The following EXOSC7 variants were observed in gnomAD, a reference collection of about 807,000 sequenced individuals.
The protein encoded by EXOSC7 is exosome component 7, also known as exosome complex component RRP42.
A neutral mutation model predicts 34.3 loss-of-function variants in EXOSC7; 25 were observed. That is an observed-to-expected ratio of 0.73 (90% CI 0.53 to 1.02). EXOSC7 has a LOEUF of 1.02. Ranked by LOEUF, EXOSC7 falls within the 50% of genes least tolerant of loss-of-function variation. The probability of loss-of-function intolerance (pLI) is 0.00; values close to 1 mark genes in which losing one functional copy is unlikely to be tolerated. For synonymous variants in EXOSC7, 130 were observed against 143.0 expected (o/e 0.91, Z 0.65); for missense variants, 370 against 368.5 (o/e 1.00, Z -0.03).
At chr3:44,979,522 G>A (rs1475285079) in intron 1 of EXOSC7, among the ~76,000 whole-genome samples, 3 of 152,082 alleles carry the variant, frequency 2.0e-5, no homozygotes, top group African/African-American at 4.8e-5. Flanking sequence ...CCAACACATC[G>A]GCTCAAGCAA....
chr3:44,992,010 G>A (rs774995992), intron 3 of EXOSC7, among the ~76,000 whole-genome samples: 3 of 152,150 alleles, frequency 2.0e-5, no homozygotes, highest in African/African-American at 4.8e-5. Context: ...AGCACTGATC[G>A]CTGCCACCTG....
intron 1 of EXOSC7, among the ~76,000 whole-genome samples, chr3:44,987,596 G>A (rs537395050): frequency 3.2e-4 from 48 of 152,316 alleles, no homozygotes; most frequent in African/African-American, 1.2e-3. Flanking sequence ...ATGAGCCTGT[G>A]TTACAAGTGA....
At chr3:44,979,598 T>TTC (rs60183088) in intron 1 of EXOSC7, among the ~76,000 whole-genome samples, 65,170 of 150,284 alleles carry the variant, frequency 0.43, 14,739 homozygotes, top group East Asian at 0.84. Flanking sequence ...GTTTTTTTTT[T>TTC]CCCCCTCTTT....
At chr3:44,988,348 G>A (rs1706476378) in intron 1 of EXOSC7, among the ~76,000 whole-genome samples, 1 of 152,192 alleles carries the variant, frequency 6.6e-6, no homozygotes, top group Non-Finnish European at 1.5e-5. Flanking sequence ...AGATACCAAT[G>A]AGTTGTACTG....
chr3:45,006,486 G>A (rs1454552685), intron 6 of EXOSC7, among the ~76,000 whole-genome samples: 5 of 138,018 alleles, frequency 3.6e-5, no homozygotes, highest in South Asian at 2.4e-4. Context: ...GTGCAATCTC[G>A]GCTCACTGTA....
chr3:44,993,355 G>T (rs1437300287), intron 3 of EXOSC7, among the ~76,000 whole-genome samples: 1 of 152,074 alleles, frequency 6.6e-6, no homozygotes, highest in East Asian at 1.9e-4. Context: ...GTAAGGCCCA[G>T]GTCAGCCCTG....
intron 1 of EXOSC7, among the ~76,000 whole-genome samples, chr3:44,981,822 C>T (rs1332704782): frequency 2.0e-5 from 3 of 152,022 alleles, no homozygotes; most frequent in Non-Finnish European, 4.4e-5. Flanking sequence ...GCCAGAGGAT[C>T]GCTTGAGCCC....
intron 1 of EXOSC7, among the ~76,000 whole-genome samples, chr3:44,982,210 CAGAGACCAGATTGCAATG>C (rs1183714405): frequency 1.3e-5 from 2 of 152,180 alleles, no homozygotes; most frequent in Non-Finnish European, 2.9e-5. Flanking sequence ...TTTCTCAGAT[CAGAGACCAGATTGCAATG>C]AGAGAATCAG....
intron 3 of EXOSC7, among the ~76,000 whole-genome samples, chr3:44,991,117 T>G (rs1475352023): frequency 1.3e-5 from 2 of 152,254 alleles, no homozygotes; most frequent in Non-Finnish European, 2.9e-5. Context: ...TGTGAATCTT[T>G]GCTCATTTTA....
intron 7 of EXOSC7, among the ~76,000 whole-genome samples, chr3:45,008,423 A>G (rs932146300): frequency 6.6e-6 from 1 of 152,232 alleles, no homozygotes; most frequent in Non-Finnish European, 1.5e-5. Flanking sequence ...AGAACATGAC[A>G]TCTACTTTCT....
At chr3:44,990,453 C>T (rs1706538801) in intron 3 of EXOSC7, among the ~76,000 whole-genome samples, 1 of 152,080 alleles carries the variant, frequency 6.6e-6, no homozygotes, top group Admixed American at 6.5e-5. Context: ...CTATCAATTA[C>T]TTTGCTTCTG....
chr3:44,997,895 A>G (rs1468562474), intron 4 of EXOSC7, among the ~76,000 whole-genome samples: 2 of 152,218 alleles, frequency 1.3e-5, no homozygotes, highest in East Asian at 1.9e-4. Context: ...CCTCCCACAC[A>G]GAGTCTACTC....
intron 3 of EXOSC7, 56 bp from the exon 4 acceptor site, chr3:44,997,030 CT>C: frequency 6.4e-7 from 1 of 1,562,654 alleles, no homozygotes; most frequent in Non-Finnish European, 8.8e-7. Context: ...AGCTTTGCCT[CT>C]TTGCTTTTTG....
At chr3:44,986,327 A>G (rs1559742723) in intron 1 of EXOSC7, among the ~76,000 whole-genome samples, 1 of 152,236 alleles carries the variant, frequency 6.6e-6, no homozygotes, top group Non-Finnish European at 1.5e-5. Context: ...CTGCTGGCCC[A>G]GGTGCTAAGC....
chr3:45,001,192 G>T (rs1005162981), intron 4 of EXOSC7, among the ~76,000 whole-genome samples: 1 of 152,072 alleles, frequency 6.6e-6, no homozygotes, highest in Non-Finnish European at 1.5e-5. Flanking sequence ...GGTGGCTCAT[G>T]CCTATACCCC....
Position 45,007,548 on chromosome 3 carries a change from C to G in EXOSC7, c.744C>G (p.Asp248Glu), listed in dbSNP as rs1289659096. 1 of 1,611,786 alleles carries G rather than the reference C, an allele frequency of 6.2e-7. No homozygotes were observed. Among genetic ancestry groups the G allele is most frequent in the African/African-American group, 1.3e-5 (1 of 74,912 alleles). Residue 248 changes from aspartate (D) to glutamate (E), a missense_variant, in exon 7 of 8, where the codon GAC (aspartate) becomes GAG (glutamate). By Grantham distance (45) the Asp-to-Glu change is conservative (BLOSUM62 2). Around this residue, in one of 3 missense-constraint regions of EXOSC7, gnomAD observed 255 missense variants for 246.4 expected, o/e 1.03. Transcript: ENST00000265564. ...GGAAAGTGGGGAAGGGCAGCCTGGA[C>G]CCAGAGAGCATCTTCGAGATGATGG... ...CMRKVGKGSL[D>E]PESIFEMMET...
chr3:44,997,366 G>T lies in EXOSC7; in HGVS notation c.420+114G>T. 3.2e-6 allele frequency: 3 copies of T among 932,404 alleles called. No homozygotes were observed. The South Asian group carries it at 6.6e-5, about 21-fold the overall frequency. 57.8% of individuals were successfully genotyped at this position (932,404 alleles called of 1,614,324 possible). A position where few individuals can be genotyped will look rare whatever the true frequency, so the allele number is the denominator to read the frequency against. ...CAGGTGGATGCTTTCAACTTATAGGGTGGGATTAGTTGGGAAAAGATGGTC... is the reference window on the plus strand; with the variant it reads ...CAGGTGGATGCTTTCAACTTATAGGTTGGGATTAGTTGGGAAAAGATGGTC... On this transcript the variant is annotated intron_variant, in intron 4 of 7. Transcript: ENST00000265564.
chr3:44,993,759 C>G (rs561808417), intron 3 of EXOSC7, among the ~76,000 whole-genome samples: 13 of 152,280 alleles, frequency 8.5e-5, no homozygotes, highest in African/African-American at 2.9e-4. Context: ...GTACACCCCC[C>G]ACTGAAGGAG....
At chr3:44,987,916 G>C (rs1373047729) in intron 1 of EXOSC7, among the ~76,000 whole-genome samples, 1 of 152,264 alleles carries the variant, frequency 6.6e-6, no homozygotes, top group East Asian at 1.9e-4. Context: ...TGATCTATCA[G>C]TATGAACTCT....
Sources: gnomAD v4.1 joint callset for allele counts (sites outside exome capture counted in the v4.1 genomes callset) on GRCh38, gnomAD v4.1.1 for gene constraint, gnomAD v4.1.1 regional missense constraint, MANE v1.5 for transcripts, NCBI Gene and HGNC (gene_info 2026-07-23, HGNC 2026-07-21) for gene names.